Variants in MALT1 observed in about 807,000 individuals in gnomAD.
MALT1 encodes mucosa-associated lymphoid tissue lymphoma translocation protein 1.
MALT1 carries 36 observed loss-of-function variants against 85.5 expected under a neutral mutation model. The ratio of observed to expected loss-of-function variants is 0.42; its 90% confidence interval spans 0.32 to 0.56. MALT1 has a LOEUF of 0.56. Ranked by LOEUF, MALT1 falls within the 20% of genes least tolerant of loss-of-function variation. MALT1 has a pLI of 0.10. For synonymous variants in MALT1, 359 were observed against 361.3 expected (o/e 0.99, Z 0.07); for missense variants, 716 against 981.6 (o/e 0.73, Z 3.62).
Position 58,718,828 on chromosome 18 carries a change from G to A in MALT1, c.1018+2861G>A, listed in dbSNP as rs111877834. On this transcript the variant is annotated intron_variant, in intron 9 of 16. Transcript: ENST00000649217. ...AGATTAGTCGAGGAGAGTTAGAGAG[G>A]GCTTTACCTAAGAGGCAAAGCCAAG... Among the ~76,000 whole-genome samples, 3 of 152,120 alleles carry A rather than the reference G, an allele frequency of 2.0e-5. No individual in the cohort carries two copies. The South Asian group carries it at 6.2e-4, about 32-fold the overall frequency.
At chr18:58,728,638 G>T (rs1602329270) in intron 10 of MALT1, among the ~76,000 whole-genome samples, 1 of 152,078 alleles carries the variant, frequency 6.6e-6, no homozygotes, top group African/African-American at 2.4e-5. Flanking sequence ...TTAAAAAAAT[G>T]ATTTGGACTA....
chr18:58,684,223 C>T (rs554374604), intron 2 of MALT1, among the ~76,000 whole-genome samples: 28 of 151,138 alleles, frequency 1.9e-4, no homozygotes, highest in African/African-American at 6.3e-4. Flanking sequence ...CGGGAGCCAC[C>T]GCCCTGTTTC....
chr18:58,671,878 G>T, intron 1 of MALT1, 26 bp downstream of exon 1: 3 of 1,213,122 alleles, frequency 2.5e-6, no homozygotes, highest in Non-Finnish European at 3.1e-6. Context: ...CGGCAGGCCG[G>T]GCGCGCGGGT....
intron 1 of MALT1, chr18:58,672,213 C>G (rs1235310681): frequency 5.1e-6 from 1 of 196,766 alleles, no homozygotes; most frequent in African/African-American, 2.3e-5. Flanking sequence ...ATCCAGAGGA[C>G]TTAAAATGCA....
At chr18:58,695,234 C>T (rs1274800810) in intron 2 of MALT1, among the ~76,000 whole-genome samples, 2 of 152,174 alleles carry the variant, frequency 1.3e-5, no homozygotes, top group African/African-American at 4.8e-5. Context: ...ATGCCTTTAT[C>T]AGGAGTGTGA....
At chr18:58,680,929 C>CAAAAAAAAA (rs1165265799) in intron 1 of MALT1, among the ~76,000 whole-genome samples, 1 of 67,222 alleles carries the variant, frequency 1.5e-5, no homozygotes, top group Non-Finnish European at 2.5e-5. Flanking sequence ...GACTCCGTCT[C>CAAAAAAAAA]AAAAAAAAAA....
rs921185000 is a variant in MALT1, at chr18:58,745,874, TG to T, written c.2037+84del. ...ATTTTGGCATAGACCATAGATATGC[TG>T]CCTTATTATTAAAGTAGAGATAACC... On this transcript the variant is annotated intron_variant, in intron 16 of 16. Transcript: ENST00000649217. 4.3e-5 allele frequency: 53 copies of T among 1,244,084 alleles called. No individual in the cohort carries two copies. In the Middle Eastern group the frequency reaches 7.8e-4, roughly 18 times the overall value. 77.1% of individuals were successfully genotyped at this position (1,244,084 alleles called of 1,614,324 possible). A position where few individuals can be genotyped will look rare whatever the true frequency, so the allele number is the denominator to read the frequency against.
At chr18:58,682,673 A>G (rs1173826725) in intron 2 of MALT1, among the ~76,000 whole-genome samples, 1 of 152,236 alleles carries the variant, frequency 6.6e-6, no homozygotes, top group Non-Finnish European at 1.5e-5. Context: ...AGTTGGGTTG[A>G]GTCTGCTTTC....
rs367866327 is a variant in MALT1, at chr18:58,734,356, G to A, written c.1450G>A (p.Ala484Thr). 1 of 1,613,390 alleles carries A rather than the reference G, an allele frequency of 6.2e-7. No individual in the cohort carries two copies. Among genetic ancestry groups the A allele is most frequent in the Non-Finnish European group, 8.5e-7 (1 of 1,179,408 alleles). Residue 484 changes from alanine to threonine, a missense_variant, in exon 12 of 17, where the codon GCC (alanine) becomes ACC (threonine). Around this residue, in one of 4 missense-constraint regions of MALT1, gnomAD observed 86 missense variants for 212.3 expected, o/e 0.41. Transcript: ENST00000649217. ...IPILDALKVT[A>T]NIVFGYATCQ... Reference sequence around the variant, plus strand: ...AATCTTGGATGCACTAAAAGTCACCGCCAATATTGTGTTTGGATATGCCAC... The same window carrying A: ...AATCTTGGATGCACTAAAAGTCACCACCAATATTGTGTTTGGATATGCCAC...
chr18:58,701,205 G>A (rs936471006), intron 4 of MALT1, among the ~76,000 whole-genome samples: 1 of 151,994 alleles, frequency 6.6e-6, no homozygotes, highest in Admixed American at 6.6e-5. Context: ...TCTGGTCGCT[G>A]CCACTGACCT....
intron 6 of MALT1, 71 bp from the exon 7 acceptor site, chr18:58,710,850 A>G (rs1602311453): frequency 5.0e-6 from 5 of 990,320 alleles, no homozygotes; most frequent in Middle Eastern, 2.0e-4. Context: ...ATTGATCTCT[A>G]TTTGCTTGAC....
Position 58,671,520 on chromosome 18 carries a change from G to C in MALT1, c.-124G>C. On this transcript the variant is annotated 5_prime_UTR_variant, in exon 1 of 17. Transcript: ENST00000649217. ...CTTCCTCCTCTGAGGGCCGTGCCGCGCTGCCAGATTTGTTCTTCCGCCCCT... is the reference window on the plus strand; with the variant it reads ...CTTCCTCCTCTGAGGGCCGTGCCGCCCTGCCAGATTTGTTCTTCCGCCCCT... 7.3e-6 allele frequency: 4 copies of C among 546,280 alleles called. No individual in the cohort carries two copies. Among genetic ancestry groups the C allele is most frequent in the Admixed American group, 4.6e-5 (1 of 21,736 alleles). The allele number at this position is 546,280 out of a possible 1,614,324, so 33.8% of individuals were successfully genotyped here. A position where few individuals can be genotyped will look rare whatever the true frequency, so the allele number is the denominator to read the frequency against.
At chr18:58,684,148 G>T (rs1398982340) in intron 2 of MALT1, among the ~76,000 whole-genome samples, 1 of 152,188 alleles carries the variant, frequency 6.6e-6, no homozygotes, top group South Asian at 2.1e-4. Context: ...GCCCAGGCTG[G>T]TCTTGAACTC....
At chr18:58,725,743 A>G (rs1437076550) in intron 10 of MALT1, among the ~76,000 whole-genome samples, 4 of 151,944 alleles carry the variant, frequency 2.6e-5, no homozygotes, top group Non-Finnish European at 2.9e-5. Flanking sequence ...CTTGGCTTTT[A>G]AGCCCTTTGT....
chr18:58,705,908 C>A (rs1398873060), intron 4 of MALT1, among the ~76,000 whole-genome samples: 4 of 152,092 alleles, frequency 2.6e-5, no homozygotes. Flanking sequence ...ACACTGACTT[C>A]CACAATGGTT....
At chr18:58,682,655 A>G (rs1274401155) in intron 2 of MALT1, among the ~76,000 whole-genome samples, 1 of 152,220 alleles carries the variant, frequency 6.6e-6, no homozygotes, top group African/African-American at 2.4e-5. Flanking sequence ...GCTTGAAGCC[A>G]GGAGTGGAGT....
chr18:58,688,536 CAAAAAAAAAAAAAAAAA>C (rs552838701), intron 2 of MALT1, among the ~76,000 whole-genome samples: 2 of 61,402 alleles, frequency 3.3e-5, no homozygotes, highest in African/African-American at 9.3e-5. Flanking sequence ...CCTGTTTCTA[CAAAAAAAAAAAAAAAAA>C]AAAAAAAAAA....
At chr18:58,692,445 C>CACA (rs1568129469) in intron 2 of MALT1, among the ~76,000 whole-genome samples, 17 of 28,420 alleles carry the variant, frequency 6.0e-4, no homozygotes, top group African/African-American at 1.8e-3. Context: ...TCACTCTCTC[C>CACA]CTCCCTCCCT....
At chr18:58,734,101 A>G in intron 11 of MALT1, 1 of 1,329,406 alleles carries the variant, frequency 7.5e-7, no homozygotes, top group East Asian at 2.7e-5. Context: ...GCCAGAGTTC[A>G]AATGCAACTC....
Sources: allele counts gnomAD v4.1 joint callset (sites outside exome capture counted in the v4.1 genomes callset), GRCh38; gene constraint gnomAD v4.1.1; regional missense constraint gnomAD v4.1.1; transcripts MANE v1.5; gene names NCBI Gene and HGNC (gene_info 2026-07-23, HGNC 2026-07-21).